BTC: variants seen among roughly 807,000 people sequenced by gnomAD.
BTC encodes betacellulin, also known as probetacellulin.
BTC carries 13 observed loss-of-function variants against 18.1 expected under a neutral mutation model. That is an observed-to-expected ratio of 0.72 (90% CI 0.47 to 1.14). BTC has a LOEUF of 1.14. Among genes scored for constraint, BTC ranks in the 50% most tolerant of loss-of-function variants. The pLI is 0.00. For synonymous variants in BTC, 83 were observed against 79.4 expected (o/e 1.05, Z -0.24); for missense variants, 247 against 224.2 (o/e 1.10, Z -0.65).
chr4:74,779,792 T>C (rs1001616290), intron 1 of BTC, among the ~76,000 whole-genome samples: 1 of 152,102 alleles, frequency 6.6e-6, no homozygotes, highest in African/African-American at 2.4e-5. Context: ...CTTAAACCCT[T>C]TAAATGAGTT....
At chr4:74,780,890 G>A (rs922191219) in intron 1 of BTC, among the ~76,000 whole-genome samples, 2 of 135,330 alleles carry the variant, frequency 1.5e-5, no homozygotes, top group Admixed American at 7.0e-5. Flanking sequence ...AGTCTACTGA[G>A]AGTTTCTTTT....
intron 1 of BTC, among the ~76,000 whole-genome samples, chr4:74,778,499 A>G (rs1391878325): frequency 1.3e-5 from 2 of 152,188 alleles, no homozygotes; most frequent in Non-Finnish European, 2.9e-5. Context: ...TGCAGTGTGT[A>G]GTTCCAAAGT....
Position 74,745,703 on chromosome 4 carries a change from C to G in BTC, c.*974G>C, listed in dbSNP as rs1269081257. On this transcript the variant is annotated 3_prime_UTR_variant, in exon 6 of 6. Coordinates refer to ENST00000395743, the MANE Select transcript of BTC (RefSeq NM_001729.4). ...TGGTCACAACCGGTCCCTACCTGGT[C>G]TCTCCAGTGTTGTCACTGACCATTA... 1 of 152,152 alleles carries G rather than the reference C, an allele frequency of 6.6e-6. No homozygotes were observed. Among genetic ancestry groups the G allele is most frequent in the Non-Finnish European group, 1.5e-5 (1 of 68,024 alleles). 9.4% of individuals were successfully genotyped at this position (152,152 alleles called of 1,614,324 possible). A position where few individuals can be genotyped will look rare whatever the true frequency, so the allele number is the denominator to read the frequency against.
chr4:74,766,678 AT>A (rs1278475951), intron 2 of BTC, among the ~76,000 whole-genome samples: 5 of 152,092 alleles, frequency 3.3e-5, no homozygotes, highest in Admixed American at 6.6e-5. Flanking sequence ...TCTATCAAAC[AT>A]TTAAATACGT....
intron 1 of BTC, among the ~76,000 whole-genome samples, chr4:74,789,670 A>T (rs796182860): frequency 1.3e-5 from 2 of 152,260 alleles, no homozygotes; most frequent in African/African-American, 4.8e-5. Context: ...TCCTAAGAAA[A>T]CTTTCCTAAA....
chr4:74,785,601 G>A (rs370384076), intron 1 of BTC, among the ~76,000 whole-genome samples: 14 of 152,258 alleles, frequency 9.2e-5, no homozygotes, highest in African/African-American at 3.4e-4. Context: ...CTAGTAATTG[G>A]AATTTCCTGC....
intron 1 of BTC, among the ~76,000 whole-genome samples, chr4:74,776,611 A>G (rs997326020): frequency 3.3e-5 from 5 of 152,196 alleles, no homozygotes; most frequent in African/African-American, 1.2e-4. Flanking sequence ...AAACAATACA[A>G]GCATTCAAAA....
intron 1 of BTC, among the ~76,000 whole-genome samples, chr4:74,793,808 C>A (rs890407607): frequency 2.0e-5 from 3 of 152,192 alleles, no homozygotes; most frequent in African/African-American, 7.2e-5. Flanking sequence ...CGTTCTTCTG[C>A]CTCCTGCAGG....
chr4:74,777,150 A>G (rs1191762333), intron 1 of BTC, among the ~76,000 whole-genome samples: 1 of 152,174 alleles, frequency 6.6e-6, no homozygotes, highest in African/African-American at 2.4e-5. Flanking sequence ...TCCTAGATCT[A>G]CCTTTTATGC....
In BTC at chr4:74,750,677, G is replaced by A. The variant is rs1724435851; in HGVS notation, c.324C>T (p.Asp108=). 4.3e-6 allele frequency: 7 copies of A among 1,613,880 alleles called. No individual in the cohort carries two copies. Among genetic ancestry groups the A allele is most frequent in the Non-Finnish European group, 5.9e-6 (7 of 1,179,924 alleles). Residue 108 remains aspartate, a synonymous_variant, in exon 4 of 6, where the codon GAC becomes GAT. Coordinates refer to ENST00000395743, the MANE Select transcript of BTC (RefSeq NM_001729.4). ...CTCTGTCTCCTCTTAGGTAAAACAA[G>A]TCAACTCTCTCACACCTTGCTCCAA... The part of the protein sequence containing the change: ...GYIGARCERV[D]LFYLRGDRGQ...
At chr4:74,749,074 C>G (rs1237900912) in intron 4 of BTC, among the ~76,000 whole-genome samples, 1 of 152,042 alleles carries the variant, frequency 6.6e-6, no homozygotes, top group Non-Finnish European at 1.5e-5. Context: ...AATAAAAGTT[C>G]ATAGTTGTTA....
In BTC at chr4:74,750,663, C is replaced by G; in HGVS notation, c.338G>C (p.Arg113Thr). The G allele has an allele frequency of 6.2e-7, 1 of 1,613,992 alleles. No homozygotes were observed. The highest frequency in any genetic ancestry group is 8.5e-7 in the Non-Finnish European group (1 of 1,179,962). The change falls in exon 4 of 6, where the codon AGA (arginine) becomes ACA (threonine). Residue 113 changes from arginine (R) to threonine (T), a missense_variant. Arg to Thr is a moderately conservative substitution (Grantham distance 71). Transcript: ENST00000395743. ...CACCAGAATCTGTCCTCTGTCTCCT[C>G]TTAGGTAAAACAAGTCAACTCTCTC... ...RCERVDLFYLRGDRGQILVIC... is the reference protein window; with the variant it reads ...RCERVDLFYLTGDRGQILVIC...
At position 74,745,830 on chromosome 4, in the gene BTC, C is replaced by G. The variant is rs1341621365; in HGVS notation, c.*847G>C. 6.6e-6 allele frequency: 1 copy of G among 152,162 alleles called. No homozygotes were observed. The highest frequency in any genetic ancestry group is 1.5e-5 in the Non-Finnish European group (1 of 68,026). The allele number at this position is 152,162 out of a possible 1,614,324, so 9.4% of individuals were successfully genotyped here. On this transcript the variant is annotated 3_prime_UTR_variant, in exon 6 of 6. Transcript: ENST00000395743. ...ATGCCAAGCATTTACTTTTCCATCTCTATTCATTTCCCTAGTTATGGGGCC... is the reference window on the plus strand; with the variant it reads ...ATGCCAAGCATTTACTTTTCCATCTGTATTCATTTCCCTAGTTATGGGGCC...
chr4:74,782,026 G>C (rs550586453), intron 1 of BTC, among the ~76,000 whole-genome samples: 1 of 152,114 alleles, frequency 6.6e-6, no homozygotes, highest in Non-Finnish European at 1.5e-5. Context: ...ATTTACTGAG[G>C]ATTTATTGCA....
At chr4:74,775,424 T>C (rs1404610800) in intron 1 of BTC, among the ~76,000 whole-genome samples, 2 of 152,190 alleles carry the variant, frequency 1.3e-5, no homozygotes, top group Admixed American at 1.3e-4. Flanking sequence ...GATACTCAGC[T>C]GTAGAAAACA....
At chr4:74,774,303 A>G (rs1280468173) in intron 1 of BTC, among the ~76,000 whole-genome samples, 1 of 152,142 alleles carries the variant, frequency 6.6e-6, no homozygotes, top group Non-Finnish European at 1.5e-5. Flanking sequence ...TGTTTTGAGT[A>G]CCGGTCTTGG....
intron 2 of BTC, among the ~76,000 whole-genome samples, chr4:74,766,136 C>T (rs1724897118): frequency 6.6e-6 from 1 of 152,014 alleles, no homozygotes; most frequent in African/African-American, 2.4e-5. Context: ...ATGAAAGGAA[C>T]TTGCAAGACT....
intron 3 of BTC, among the ~76,000 whole-genome samples, chr4:74,753,827 GA>G (rs5859440): frequency 0.54 from 69,944 of 128,724 alleles, 16,504 homozygotes; most frequent in East Asian, 0.64. Context: ...TCCAAAAAAA[GA>G]AAAAAAAAAT....
intron 1 of BTC, among the ~76,000 whole-genome samples, chr4:74,772,002 A>G (rs1189909066): frequency 6.6e-6 from 1 of 152,226 alleles, no homozygotes; most frequent in Non-Finnish European, 1.5e-5. Context: ...CATGAATAGA[A>G]CATCTTGTGT....
Sources: gnomAD v4.1 joint callset for allele counts (sites outside exome capture counted in the v4.1 genomes callset) on GRCh38, gnomAD v4.1.1 for gene constraint, MANE v1.5 for transcripts, NCBI Gene and HGNC (gene_info 2026-07-23, HGNC 2026-07-21) for gene names.